ALG9: variants seen among roughly 807,000 people sequenced by gnomAD.
The protein encoded by ALG9 is ALG9 alpha-1,2-mannosyltransferase.
Under a neutral mutation model 81.8 loss-of-function variants are expected in ALG9, and 55 were observed. The observed-to-expected ratio is 0.67, with a 90% CI of 0.54 to 0.84. The LOEUF (loss-of-function observed/expected upper bound fraction) is 0.84. Among genes scored for constraint, ALG9 ranks in the 40% least tolerant of loss-of-function variants. ALG9 has a pLI of 0.00. For missense variants in ALG9, 629 were observed against 745.0 expected (o/e 0.84, Z 1.81); for synonymous variants, 278 against 274.3 (o/e 1.01, Z -0.13).
intron 10 of ALG9, among the ~76,000 whole-genome samples, chr11:111,838,931 G>A (rs1955772361): frequency 6.6e-6 from 1 of 151,970 alleles, no homozygotes; most frequent in Admixed American, 6.6e-5. Context: ...TGCTGTCTTT[G>A]AGTACCTTCT....
chr11:111,823,100 A>G (rs1952697416), intron 13 of ALG9, among the ~76,000 whole-genome samples: 1 of 152,108 alleles, frequency 6.6e-6, no homozygotes, highest in South Asian at 2.1e-4. Flanking sequence ...TCTAGCTAAT[A>G]TTTTCATTTG....
intron 14 of ALG9, among the ~76,000 whole-genome samples, chr11:111,800,284 T>A (rs1438480493): frequency 1.3e-5 from 2 of 151,856 alleles, no homozygotes; most frequent in African/African-American, 4.8e-5. Flanking sequence ...ATTGAGACCA[T>A]CCTGGCTAAC....
chr11:111,820,947 CAA>C (rs1952254619), intron 13 of ALG9, among the ~76,000 whole-genome samples: 1 of 146,814 alleles, frequency 6.8e-6, no homozygotes, highest in Non-Finnish European at 1.5e-5. Flanking sequence ...CACACACACA[CAA>C]GCCAGGTATG....
intron 13 of ALG9, chr11:111,814,600 C>A (rs1951206685): frequency 6.6e-6 from 1 of 152,172 alleles, no homozygotes; most frequent in African/African-American, 2.4e-5. Context: ...CTCTGGCTTA[C>A]CGTGAACTCT....
At chr11:111,807,361 C>T (rs1555086145) in intron 14 of ALG9, among the ~76,000 whole-genome samples, 1 of 152,126 alleles carries the variant, frequency 6.6e-6, no homozygotes, top group African/African-American at 2.4e-5. Flanking sequence ...CAGCCTTTCA[C>T]TAGCTGTTCC....
At position 111,853,739 on chromosome 11, in the gene ALG9, A is replaced by AT. The variant is rs781985581; in HGVS notation, c.702-4dup. On this transcript the variant is annotated splice_region_variant and splice_polypyrimidine_tract_variant and intron_variant, in intron 6 of 14. Transcript: ENST00000616540. ...GCAAATCAAAGGCAATGGGTAAACT[A>AT]TTTAACAGAGAAACAGAGCGGGGAG... 1 of 1,612,472 alleles carries AT rather than the reference A, an allele frequency of 6.2e-7. No individual in the cohort carries two copies. Among genetic ancestry groups the AT allele is most frequent in the South Asian group, 1.1e-5 (1 of 91,060 alleles).
intron 2 of ALG9, among the ~76,000 whole-genome samples, chr11:111,869,747 G>C (rs1047226453): frequency 6.6e-6 from 1 of 152,194 alleles, no homozygotes; most frequent in African/African-American, 2.4e-5. Context: ...CCAACACTTT[G>C]GAAGGCGAGG....
intron 4 of ALG9, among the ~76,000 whole-genome samples, chr11:111,864,021 C>T (rs1555150294): frequency 1.3e-5 from 2 of 152,166 alleles, no homozygotes; most frequent in Non-Finnish European, 2.9e-5. Flanking sequence ...AGAAGTCACA[C>T]TTCAGATTTA....
chr11:111,822,408 C>CAAA (rs56367678), intron 13 of ALG9, among the ~76,000 whole-genome samples: 1,101 of 66,002 alleles, frequency 0.017, 66 homozygotes, highest in African/African-American at 0.06. Flanking sequence ...AACTCAGTCT[C>CAAA]AAAAAAAAAA....
intron 4 of ALG9, among the ~76,000 whole-genome samples, chr11:111,863,575 T>C (rs1555149939): frequency 6.6e-6 from 1 of 152,186 alleles, no homozygotes. Context: ...GTGGGAAGAT[T>C]TTAAATAATG....
chr11:111,813,409 C>T (rs1951021282), intron 13 of ALG9, among the ~76,000 whole-genome samples: 1 of 152,136 alleles, frequency 6.6e-6, no homozygotes, highest in African/African-American at 2.4e-5. Flanking sequence ...CAAGATCAGC[C>T]TGAGCAAAAT....
At chr11:111,863,919 A>G (rs1194374540) in intron 4 of ALG9, among the ~76,000 whole-genome samples, 1 of 152,222 alleles carries the variant, frequency 6.6e-6, no homozygotes, top group Non-Finnish European at 1.5e-5. Context: ...ACAGAATTAA[A>G]ATGAATGATA....
chr11:111,781,902 T>C (rs1238436476), downstream of ALG9, among the ~76,000 whole-genome samples: 1 of 152,238 alleles, frequency 6.6e-6, no homozygotes, highest in Non-Finnish European at 1.5e-5. Flanking sequence ...CGTCTCGGCA[T>C]CCCACAGTGC....
chr11:111,846,737 G>C (rs556943926), intron 8 of ALG9, among the ~76,000 whole-genome samples: 18 of 152,284 alleles, frequency 1.2e-4, no homozygotes, highest in African/African-American at 4.1e-4. Context: ...ACTTCTATCA[G>C]CCAGAGTCCT....
At chr11:111,863,716 T>C (rs1278757488) in intron 4 of ALG9, among the ~76,000 whole-genome samples, 1 of 152,236 alleles carries the variant, frequency 6.6e-6, no homozygotes, top group Non-Finnish European at 1.5e-5. Flanking sequence ...TCCCAACTAA[T>C]ATTCAATCAA....
chr11:111,843,258 C>G (rs1265831344), intron 9 of ALG9, among the ~76,000 whole-genome samples: 2 of 151,510 alleles, frequency 1.3e-5, no homozygotes, highest in African/African-American at 4.9e-5. Context: ...AAGAAATCTT[C>G]GAAAGAAAAA....
At chr11:111,854,095 CTTT>C (rs34575358) in intron 6 of ALG9, among the ~76,000 whole-genome samples, 5 of 117,760 alleles carry the variant, frequency 4.2e-5, no homozygotes, top group Admixed American at 9.7e-5. Context: ...TTATTACAGA[CTTT>C]TTTTTTTTTT....
At chr11:111,834,924 G>A (rs781783764) in intron 13 of ALG9, among the ~76,000 whole-genome samples, 41 of 152,282 alleles carry the variant, frequency 2.7e-4, no homozygotes, top group Non-Finnish European at 1.6e-4. Context: ...TGGCAGAAAC[G>A]CCTGTCTTAC....
the ALG9 span, among the ~76,000 whole-genome samples, chr11:111,773,090 A>T: frequency 6.6e-6 from 1 of 152,000 alleles, no homozygotes; most frequent in Non-Finnish European, 1.5e-5. Context: ...AAAAAAAAAT[A>T]CAGAAGTTGT....
Sources: allele counts gnomAD v4.1 joint callset (sites outside exome capture counted in the v4.1 genomes callset), GRCh38; gene constraint gnomAD v4.1.1; transcripts MANE v1.5; gene names NCBI Gene and HGNC (gene_info 2026-07-23, HGNC 2026-07-21).